STOX2: variants seen among roughly 807,000 people sequenced by gnomAD.
STOX2 encodes the protein storkhead-box protein 2.
Under a neutral mutation model 60.9 loss-of-function variants are expected in STOX2, and 28 were observed. The ratio of observed to expected loss-of-function variants is 0.46; its 90% confidence interval spans 0.34 to 0.63. The LOEUF (loss-of-function observed/expected upper bound fraction) is 0.63, where lower values mean the gene tolerates loss of function less well. STOX2 is among the 30% of genes least tolerant of loss of function. STOX2 has a pLI of 0.01. For missense variants in STOX2, 1,024 were observed against 1,187.7 expected (o/e 0.86, Z 2.03); for synonymous variants, 472 against 463.9 (o/e 1.02, Z -0.22).
chr4:183,989,752 G>A (rs13122329), intron 1 of STOX2, among the ~76,000 whole-genome samples: 33,895 of 151,866 alleles, frequency 0.22, 4,414 homozygotes, highest in Non-Finnish European at 0.29. Flanking sequence ...CTTTTCACAC[G>A]AAAGCTTTTT....
upstream of STOX2, among the ~76,000 whole-genome samples, chr4:183,904,702 T>A (rs1032388816): frequency 2.0e-5 from 3 of 152,238 alleles, no homozygotes; most frequent in African/African-American, 7.2e-5. Flanking sequence ...TCTTGAGATC[T>A]GAATGAGGAG....
At chr4:183,822,497 G>A (rs1284777783) in intron 1 of STOX2, among the ~76,000 whole-genome samples, 1 of 152,140 alleles carries the variant, frequency 6.6e-6, no homozygotes, top group Non-Finnish European at 1.5e-5. Context: ...GCAACTAGAC[G>A]GTCCCATCTG....
At chr4:183,958,908 TG>T (rs147554348) in intron 1 of STOX2, among the ~76,000 whole-genome samples, 3,187 of 152,294 alleles carry the variant, frequency 0.021, 108 homozygotes, top group African/African-American at 0.072. Flanking sequence ...TTCAGGGATG[TG>T]GGCAGTTCTG....
chr4:183,955,067 G>A (rs1743209190), intron 1 of STOX2, among the ~76,000 whole-genome samples: 1 of 152,160 alleles, frequency 6.6e-6, no homozygotes, highest in South Asian at 2.1e-4. Flanking sequence ...TGTTTCCTTG[G>A]CATGTATCTA....
intron 1 of STOX2, among the ~76,000 whole-genome samples, chr4:183,878,294 A>G (rs1176802440): frequency 6.6e-6 from 1 of 152,212 alleles, no homozygotes; most frequent in Non-Finnish European, 1.5e-5. Flanking sequence ...AGGAATAAGA[A>G]AAACTAAAAT....
chr4:183,953,869 C>T (rs900768083), intron 1 of STOX2, among the ~76,000 whole-genome samples: 2 of 152,122 alleles, frequency 1.3e-5, no homozygotes, highest in African/African-American at 4.8e-5. Context: ...CTCGACCTTA[C>T]ACCCATTTTA....
At chr4:183,861,849 A>C (rs926554500) in intron 1 of STOX2, among the ~76,000 whole-genome samples, 1 of 152,204 alleles carries the variant, frequency 6.6e-6, no homozygotes, top group Admixed American at 6.5e-5. Context: ...GGAAGAGCCC[A>C]AATATTAATT....
chr4:183,837,795 CT>C (rs1422866059), intron 1 of STOX2, among the ~76,000 whole-genome samples: 1 of 152,138 alleles, frequency 6.6e-6, no homozygotes, highest in Non-Finnish European at 1.5e-5. Context: ...AATTTCATTC[CT>C]TTTCAAGGCT....
At position 184,018,860 on chromosome 4, in the gene STOX2, T is replaced by C. The variant is rs1734474699; in HGVS notation, c.*1576T>C. 1 of 152,254 alleles carries C rather than the reference T, an allele frequency of 6.6e-6. No individual in the cohort carries two copies. Among genetic ancestry groups the C allele is most frequent in the African/African-American group, 2.4e-5 (1 of 41,462 alleles). The allele number at this position is 152,254 out of a possible 1,614,324, so 9.4% of individuals were successfully genotyped here. A position where few individuals can be genotyped will look rare whatever the true frequency, so the allele number is the denominator to read the frequency against. ...AAGGGTTACATATGACACAAGTAAG[T>C]GTTCTGACATAAAGTTTTATTTAGT... On this transcript the variant is annotated 3_prime_UTR_variant, in exon 4 of 4. Coordinates refer to ENST00000308497, the MANE Select transcript of STOX2 (RefSeq NM_020225.3).
chr4:183,946,773 G>GTAA (rs1341499278), intron 1 of STOX2, among the ~76,000 whole-genome samples: 44 of 151,984 alleles, frequency 2.9e-4, no homozygotes, highest in African/African-American at 1.0e-3. Flanking sequence ...TTACAGGTGC[G>GTAA]TGCCACCACA....
At chr4:183,863,437 CT>C (rs1740495777) in intron 1 of STOX2, among the ~76,000 whole-genome samples, 1 of 152,212 alleles carries the variant, frequency 6.6e-6, no homozygotes, top group African/African-American at 2.4e-5. Context: ...TGAAAGTCTT[CT>C]CTGTGTGAAA....
At chr4:183,932,698 G>A (rs569839570) in intron 1 of STOX2, among the ~76,000 whole-genome samples, 162 of 150,406 alleles carry the variant, frequency 1.1e-3, no homozygotes, top group African/African-American at 3.7e-3. Context: ...CCTTGAATAT[G>A]AACTGTTCTG....
chr4:183,954,801 C>T (rs1425343241), intron 1 of STOX2, among the ~76,000 whole-genome samples: 3 of 151,914 alleles, frequency 2.0e-5, no homozygotes, highest in African/African-American at 4.8e-5. Context: ...TGCAGTGGTG[C>T]GATCTCGGCT....
chr4:183,950,935 G>C (rs906104607), intron 1 of STOX2, among the ~76,000 whole-genome samples: 2 of 152,170 alleles, frequency 1.3e-5, no homozygotes, highest in African/African-American at 4.8e-5. Context: ...CAGTAGTGCG[G>C]CCGGGCGCGG....
rs534383048 is a variant in STOX2, at chr4:183,827,225, C to T, written c.364+29170C>T. Among the ~76,000 whole-genome samples, 9 of 152,214 alleles carry T rather than the reference C, an allele frequency of 5.9e-5. No individual in the cohort carries two copies. The East Asian group carries it at 1.2e-3, about 20-fold the overall frequency. On this transcript the variant is annotated intron_variant, in intron 1 of 2. Coordinates refer to the STOX2 transcript ENST00000513034. ...TTATAGAAATGGAATAGCATGGGTG[C>T]GGTGGCTCACATCTGTAATCCTAGC... is the stretch of plus-strand genomic sequence containing the variant.
chr4:183,860,442 CAAA>C (rs35753992), intron 1 of STOX2, among the ~76,000 whole-genome samples: 3 of 121,506 alleles, frequency 2.5e-5, no homozygotes, highest in Admixed American at 8.9e-5. Context: ...AAACAAAAAA[CAAA>C]AAAAAAAAAA....
chr4:183,925,182 A>G (rs1742206143), intron 1 of STOX2, among the ~76,000 whole-genome samples: 1 of 152,058 alleles, frequency 6.6e-6, no homozygotes, highest in African/African-American at 2.4e-5. Context: ...AGTGAAACAG[A>G]GGTTTGGTAT....
chr4:183,924,779 C>T (rs541508204), intron 1 of STOX2, among the ~76,000 whole-genome samples: 1 of 152,038 alleles, frequency 6.6e-6, no homozygotes, highest in African/African-American at 2.4e-5. Context: ...GAATTCCATG[C>T]CTGGCGGTGC....
chr4:183,882,254 C>A (rs1285777113), intron 1 of STOX2, among the ~76,000 whole-genome samples: 2 of 152,208 alleles, frequency 1.3e-5, no homozygotes, highest in Non-Finnish European at 2.9e-5. Context: ...CAGTTAGACC[C>A]TTCCCTGTTT....
Sources: gnomAD v4.1 joint callset for allele counts (sites outside exome capture counted in the v4.1 genomes callset) on GRCh38, gnomAD v4.1.1 for gene constraint, MANE v1.5 for transcripts, NCBI Gene and HGNC (gene_info 2026-07-23, HGNC 2026-07-21) for gene names.